CDH13: variants seen among roughly 807,000 people sequenced by gnomAD.
CDH13 encodes the protein cadherin 13.
CDH13 carries 24 observed loss-of-function variants against 63.8 expected under a neutral mutation model. That is an observed-to-expected ratio of 0.38 (90% CI 0.27 to 0.53). CDH13 has a LOEUF of 0.53. CDH13 is among the 20% of genes least tolerant of loss of function. The pLI is 0.85. For missense variants in CDH13, 1,049 were observed against 903.1 expected (o/e 1.16, Z -2.07); for synonymous variants, 503 against 355.3 (o/e 1.42, Z -4.67).
chr16:83,471,333 G>T (rs1284186270), intron 6 of CDH13, among the ~76,000 whole-genome samples: 4 of 145,594 alleles, frequency 2.7e-5, no homozygotes, highest in South Asian at 4.3e-4. Flanking sequence ...GGAGTGCAGT[G>T]GTATGATCTC....
chr16:82,976,434 C>T (rs1006349915), intron 2 of CDH13, among the ~76,000 whole-genome samples: 28 of 152,154 alleles, frequency 1.8e-4, no homozygotes, highest in Admixed American at 9.2e-4. Flanking sequence ...GAGCTCCAGG[C>T]GCTTTTCCAG....
At chr16:83,494,753 G>C (rs1165567521) in intron 7 of CDH13, among the ~76,000 whole-genome samples, 1 of 152,186 alleles carries the variant, frequency 6.6e-6, no homozygotes, top group African/African-American at 2.4e-5. Flanking sequence ...AAGACATGAT[G>C]ACATCTCAAA....
At chr16:82,946,073 G>A (rs573987509) in intron 2 of CDH13, among the ~76,000 whole-genome samples, 1 of 152,110 alleles carries the variant, frequency 6.6e-6, no homozygotes, top group South Asian at 2.1e-4. Context: ...GATCAACTGA[G>A]CTTCTTGAGG....
At chr16:83,150,122 G>C (rs1597422514) in intron 4 of CDH13, among the ~76,000 whole-genome samples, 1 of 151,972 alleles carries the variant, frequency 6.6e-6, no homozygotes. Flanking sequence ...ACTTCACCCT[G>C]AGTCAAGCCA....
At chr16:82,729,570 TAGAC>T (rs2033286571) in intron 1 of CDH13, among the ~76,000 whole-genome samples, 1 of 152,272 alleles carries the variant, frequency 6.6e-6, no homozygotes, top group Admixed American at 6.5e-5. Context: ...GATGTGCTGT[TAGAC>T]AGGCTTTTTA....
intron 7 of CDH13, among the ~76,000 whole-genome samples, chr16:83,584,988 C>A (rs1192930835): frequency 6.6e-6 from 1 of 152,082 alleles, no homozygotes; most frequent in East Asian, 1.9e-4. Flanking sequence ...AAAGCTCTGC[C>A]CCAAGATCCA....
intron 2 of CDH13, among the ~76,000 whole-genome samples, chr16:83,015,632 C>A (rs1203216130): frequency 7.8e-6 from 1 of 128,036 alleles, no homozygotes; most frequent in East Asian, 2.4e-4. Context: ...GTTGTGGGGA[C>A]CATATGCTTC....
At chr16:82,703,245 T>C (rs1478685368) in intron 1 of CDH13, among the ~76,000 whole-genome samples, 3 of 152,112 alleles carry the variant, frequency 2.0e-5, no homozygotes, top group Non-Finnish European at 4.4e-5. Flanking sequence ...TTATAAGGTG[T>C]ATGTAACACA....
At chr16:82,680,497 C>T (rs115852401) in intron 1 of CDH13, among the ~76,000 whole-genome samples, 1,756 of 152,058 alleles carry the variant, frequency 0.012, 36 homozygotes, top group African/African-American at 0.041. Flanking sequence ...GGGGCTAACA[C>T]AGAAGTGTGG....
At chr16:82,829,625 T>G (rs976948924) in intron 1 of CDH13, 2 of 152,142 alleles carry the variant, frequency 1.3e-5, no homozygotes, top group African/African-American at 4.8e-5. Flanking sequence ...TTAATGAAAT[T>G]CCGTTCCTTC....
In CDH13 at chr16:83,780,716, T is replaced by C. The variant is rs528974685; in HGVS notation, c.1915+515T>C. ...TCCTCTTTCTCTTCCTTTTTTCTTTTAATTAAACTCCACAGATTCTTTGTT... is the reference window on the plus strand; with the variant it reads ...TCCTCTTTCTCTTCCTTTTTTCTTTCAATTAAACTCCACAGATTCTTTGTT... On this transcript the variant is annotated intron_variant, in intron 12 of 13. Coordinates refer to ENST00000567109, the MANE Select transcript of CDH13 (RefSeq NM_001257.5). 1.5e-4 allele frequency among the ~76,000 whole-genome samples: 23 copies of C among 152,320 alleles called. No individual in the cohort carries two copies. In the South Asian group the frequency reaches 4.6e-3, roughly 30 times the overall value.
intron 2 of CDH13, among the ~76,000 whole-genome samples, chr16:82,886,942 T>C (rs953175584): frequency 6.6e-6 from 1 of 152,214 alleles, no homozygotes; most frequent in Non-Finnish European, 1.5e-5. Flanking sequence ...AACTACTCCA[T>C]TCTGTATGCC....
intron 8 of CDH13, among the ~76,000 whole-genome samples, chr16:83,629,024 T>A (rs1395943726): frequency 6.6e-6 from 1 of 152,212 alleles, no homozygotes; most frequent in African/African-American, 2.4e-5. Context: ...TCATGGTAAC[T>A]GGTAATTGCT....
intron 7 of CDH13, among the ~76,000 whole-genome samples, chr16:83,516,089 G>C (rs1407361719): frequency 6.6e-6 from 1 of 152,198 alleles, no homozygotes; most frequent in Non-Finnish European, 1.5e-5. Context: ...AAGAGCATGT[G>C]GTGGGTTCTT....
intron 6 of CDH13, among the ~76,000 whole-genome samples, chr16:83,466,316 G>A (rs2073313843): frequency 2.6e-5 from 4 of 152,194 alleles, no homozygotes; most frequent in Admixed American, 2.6e-4. Flanking sequence ...AGCAAAGGAG[G>A]CATGGGGTTT....
At chr16:83,751,760 T>C (rs1913105367) in intron 11 of CDH13, among the ~76,000 whole-genome samples, 1 of 152,242 alleles carries the variant, frequency 6.6e-6, no homozygotes, top group African/African-American at 2.4e-5. Context: ...GAGCTTATAC[T>C]GAACATGAGC....
At chr16:83,309,787 C>T (rs532090191) in intron 5 of CDH13, among the ~76,000 whole-genome samples, 2 of 152,040 alleles carry the variant, frequency 1.3e-5, no homozygotes, top group East Asian at 1.9e-4. Context: ...GAGGACTTTT[C>T]GCTTGCTATA....
rs192059684 is a variant in CDH13, at chr16:82,754,245, C to T, written c.46-104117C>T. On this transcript the variant is annotated intron_variant, in intron 1 of 13. Coordinates refer to ENST00000567109, the MANE Select transcript of CDH13 (RefSeq NM_001257.5). ...CTATTTCTGCCCTGGGGTCCTAAAA[C>T]ATAAATTTTAACATTCCTTGCTTCT... Among the ~76,000 whole-genome samples the T allele has an allele frequency of 4.6e-5, 7 of 152,256 alleles. No homozygotes were observed. The East Asian group carries it at 1.2e-3, about 25-fold the overall frequency.
intron 2 of CDH13, among the ~76,000 whole-genome samples, chr16:82,929,153 A>T (rs1941351963): frequency 6.6e-6 from 1 of 152,184 alleles, no homozygotes; most frequent in Admixed American, 6.5e-5. Flanking sequence ...ATTGTTCACT[A>T]AAGTATAGCA....
Sources: allele counts gnomAD v4.1 joint callset (sites outside exome capture counted in the v4.1 genomes callset), GRCh38; gene constraint gnomAD v4.1.1; transcripts MANE v1.5; gene names NCBI Gene and HGNC (gene_info 2026-07-23, HGNC 2026-07-21).